The following ESR1 variants were observed in gnomAD, a reference collection of about 807,000 sequenced individuals.
The protein encoded by ESR1 is estrogen receptor 1, also known as estrogen receptor.
ESR1 carries 12 observed loss-of-function variants against 52.7 expected under a neutral mutation model. The ratio of observed to expected loss-of-function variants is 0.23; its 90% CI spans 0.15 to 0.37. The LOEUF is 0.37. Ranked by LOEUF, ESR1 falls within the 10% of genes least tolerant of loss-of-function variation. The pLI is 1.00. For synonymous variants in ESR1, 305 were observed against 316.8 expected, an observed-to-expected ratio of 0.96 and a Z score of 0.39; for missense variants, 584 against 779.7, an observed-to-expected ratio of 0.75 and a Z score of 2.99.
chr6:151,878,346 G>A (rs1311501082), intron 2 of ESR1, among the ~76,000 whole-genome samples: 1 of 152,196 alleles, frequency 6.6e-6, no homozygotes, highest in East Asian at 1.9e-4. Flanking sequence ...GAATCCGTGT[G>A]TGGTCTTTTA....
intron 2 of ESR1, among the ~76,000 whole-genome samples, chr6:151,854,118 G>A (rs1417174649): frequency 6.6e-6 from 1 of 152,138 alleles, no homozygotes; most frequent in Non-Finnish European, 1.5e-5. Context: ...TACTCATTCA[G>A]AGAAATGAGT....
At chr6:152,029,704 T>C (rs2128858873) in intron 5 of ESR1, among the ~76,000 whole-genome samples, 1 of 152,310 alleles carries the variant, frequency 6.6e-6, no homozygotes, top group South Asian at 2.1e-4. Context: ...GGAACCAAGT[T>C]GGAAAACACT....
chr6:151,840,392 G>T (rs1226099854), intron 1 of ESR1, among the ~76,000 whole-genome samples: 1 of 152,188 alleles, frequency 6.6e-6, no homozygotes, highest in Non-Finnish European at 1.5e-5. Flanking sequence ...GTGAGCCAGT[G>T]CTCTCTAATG....
At chr6:151,860,809 A>G (rs1424054610) in intron 2 of ESR1, among the ~76,000 whole-genome samples, 1 of 152,220 alleles carries the variant, frequency 6.6e-6, no homozygotes, top group Non-Finnish European at 1.5e-5. Context: ...CAGTTATATG[A>G]TGTGTTACCA....
chr6:152,060,325 G>T (rs973391463), intron 5 of ESR1, among the ~76,000 whole-genome samples: 1 of 152,054 alleles, frequency 6.6e-6, no homozygotes, highest in Non-Finnish European at 1.5e-5. Flanking sequence ...CCAACACACT[G>T]CTCTATGTTC....
At chr6:151,874,631 A>T (rs940207462) in intron 2 of ESR1, among the ~76,000 whole-genome samples, 1 of 152,196 alleles carries the variant, frequency 6.6e-6, no homozygotes, top group Non-Finnish European at 1.5e-5. Context: ...GGAGACGAGT[A>T]CTCTGAACTT....
chr6:151,689,154 G>A (rs1006039273), upstream of ESR1, among the ~76,000 whole-genome samples: 1 of 152,134 alleles, frequency 6.6e-6, no homozygotes, highest in African/African-American at 2.4e-5. Flanking sequence ...GTTTTAACAG[G>A]TAGCTAAATG....
intron 3 of ESR1, among the ~76,000 whole-genome samples, chr6:151,897,206 G>A (rs1374337345): frequency 1.3e-5 from 2 of 152,112 alleles, no homozygotes; most frequent in African/African-American, 4.8e-5. Context: ...ATTTGTTCCA[G>A]GGTACAATTT....
chr6:152,103,032 G>A lies in ESR1; in HGVS notation c.*4066G>A, dbSNP rs147367502. ...CTTTTTGTGCACTACATACTCTTCA[G>A]TGTAGAGCTCTTGTTTTATGGGAAA... is the stretch of plus-strand genomic sequence containing the variant. On this transcript the variant is annotated 3_prime_UTR_variant, in exon 8 of 8. Transcript: ENST00000206249. The A allele has an allele frequency of 7.2e-4, 161 of 222,846 alleles. 2 individuals carry two copies. Among genetic ancestry groups the A allele is most frequent in the African/African-American group, 3.3e-3 (149 of 44,796 alleles). The allele number at this position is 222,846 out of a possible 1,614,324, so 13.8% of individuals were successfully genotyped here.
At chr6:151,800,655 A>C (rs1777148885), upstream of ESR1, among the ~76,000 whole-genome samples, 1 of 152,170 alleles carries the variant, frequency 6.6e-6, no homozygotes. Flanking sequence ...GCTGTTGTTT[A>C]AATCACCCAG....
At chr6:151,818,297 G>T (rs1015176915) in intron 1 of ESR1, among the ~76,000 whole-genome samples, 1 of 152,156 alleles carries the variant, frequency 6.6e-6, no homozygotes. Flanking sequence ...GTTTGGGTGA[G>T]AAGTGAACAT....
chr6:151,834,490 T>C (rs1229160170), intron 1 of ESR1, among the ~76,000 whole-genome samples: 1 of 151,984 alleles, frequency 6.6e-6, no homozygotes, highest in Non-Finnish European at 1.5e-5. Flanking sequence ...TAAGTGGAAA[T>C]TGAACAATGA....
chr6:151,933,046 G>A (rs1036496497), intron 3 of ESR1, among the ~76,000 whole-genome samples: 120 of 152,150 alleles, frequency 7.9e-4, no homozygotes, highest in Non-Finnish European at 1.5e-3. Context: ...ACCTTGGGCA[G>A]TATGGCCATT....
At chr6:151,748,885 T>C (rs1480313992) in intron 2 of ESR1, among the ~76,000 whole-genome samples, 1 of 150,996 alleles carries the variant, frequency 6.6e-6, no homozygotes, top group Non-Finnish European at 1.5e-5. Flanking sequence ...CCTTAATACA[T>C]AGTATATCCA....
upstream of ESR1, among the ~76,000 whole-genome samples, chr6:151,686,219 GAAGA>G: frequency 6.6e-6 from 1 of 152,110 alleles, no homozygotes; most frequent in Middle Eastern, 3.4e-3. Flanking sequence ...AAAAAAATTT[GAAGA>G]AAGAGACTAT....
chr6:151,828,138 A>G (rs1171458413), intron 1 of ESR1, among the ~76,000 whole-genome samples: 1 of 152,216 alleles, frequency 6.6e-6, no homozygotes, highest in Non-Finnish European at 1.5e-5. Flanking sequence ...TTGTGCAGGT[A>G]ACTAGGCACA....
intron 2 of ESR1, among the ~76,000 whole-genome samples, chr6:151,738,370 G>T (rs1420534327): frequency 1.3e-5 from 2 of 152,090 alleles, no homozygotes; most frequent in Non-Finnish European, 1.5e-5. Flanking sequence ...ATTATTTTGG[G>T]TATATGTCCA....
chr6:151,996,012 A>C (rs2041448259), intron 4 of ESR1, among the ~76,000 whole-genome samples: 1 of 152,200 alleles, frequency 6.6e-6, no homozygotes, highest in Non-Finnish European at 1.5e-5. Flanking sequence ...TGCTGGGTTC[A>C]GGCCACACTC....
At chr6:152,071,796 G>C (rs924569030) in intron 6 of ESR1, among the ~76,000 whole-genome samples, 17 of 151,966 alleles carry the variant, frequency 1.1e-4, no homozygotes, top group Non-Finnish European at 2.4e-4. Flanking sequence ...TTCTCTTTCA[G>C]GATTATAAAT....
Sources: allele counts gnomAD v4.1 joint callset (sites outside exome capture counted in the v4.1 genomes callset), GRCh38; gene constraint gnomAD v4.1.1; transcripts MANE v1.5; gene names NCBI Gene and HGNC (gene_info 2026-07-23, HGNC 2026-07-21).